The following PSG11 variants were observed in gnomAD, a reference collection of about 807,000 sequenced individuals.
PSG11 encodes pregnancy specific beta-1-glycoprotein 11.
A neutral mutation model predicts 36.0 loss-of-function variants in PSG11; 42 were observed. The ratio of observed to expected loss-of-function variants is 1.17; its 90% CI spans 0.91 to 1.51. PSG11 has a LOEUF of 1.51. PSG11 is among the 40% of genes most tolerant of loss of function. The pLI is 0.00. For synonymous variants in PSG11, 206 were observed against 153.5 expected (o/e 1.34, Z -2.53); for missense variants, 558 against 403.5 (o/e 1.38, Z -3.28).
chr19:43,022,931 G>C (rs983927054), intron 2 of PSG11, among the ~76,000 whole-genome samples: 15 of 150,778 alleles, frequency 9.9e-5, no homozygotes, highest in African/African-American at 3.7e-4. Flanking sequence ...GCCTAGGGGT[G>C]GGGGAAGAAG....
At position 43,026,385 on chromosome 19, in the gene PSG11, G is replaced by C. The variant is rs1064913; in HGVS notation, c.-13C>G. Reference sequence around the variant, plus strand: ...AGAGGGGCCCCATGATCTCTGCTGCGTGCATGTTCTCCTCTGTGGAGATGA... The same window carrying C: ...AGAGGGGCCCCATGATCTCTGCTGCCTGCATGTTCTCCTCTGTGGAGATGA... On this transcript the variant is annotated 5_prime_UTR_variant, in exon 1 of 6. Coordinates refer to ENST00000320078, the MANE Select transcript of PSG11 (RefSeq NM_002785.3). The C allele has an allele frequency of 9.8e-5, 157 of 1,606,306 alleles. 5 individuals carry two copies. Among genetic ancestry groups the C allele is most frequent in the South Asian group, 2.5e-4 (23 of 90,380 alleles).
chr19:43,011,605 A>C (rs949083506), intron 4 of PSG11, among the ~76,000 whole-genome samples: 8 of 151,290 alleles, frequency 5.3e-5, no homozygotes, highest in African/African-American at 2.0e-4. Context: ...ATGAAAATGG[A>C]CTCTGAGCAT....
chr19:43,014,928 G>T lies in PSG11; in HGVS notation c.964+188C>A. ...TCAGGCCAGACACAAGGTCAGTCAT[G>T]AGAAAACAGAAAAAAAAGGAGAAGA... is the stretch of plus-strand genomic sequence containing the variant. On this transcript the variant is annotated intron_variant, in intron 4 of 5. Coordinates refer to ENST00000320078, the MANE Select transcript of PSG11 (RefSeq NM_002785.3). 2.7e-6 allele frequency: 4 copies of T among 1,462,178 alleles called. 1 individual carries two copies. Among genetic ancestry groups the T allele is most frequent in the South Asian group, 1.4e-5 (1 of 70,374 alleles). 90.6% of individuals were successfully genotyped at this position (1,462,178 alleles called of 1,614,324 possible).
rs112236374 is a variant in PSG11 at position 43,024,504 on chromosome 19, G to A, written c.430+187C>T. Reference sequence around the variant, plus strand: ...GCGAGTGTCTGCAGGGTCTGGATGCGGGAAAGGAATTCTGATCTGTTGAAA... The same window carrying A: ...GCGAGTGTCTGCAGGGTCTGGATGCAGGAAAGGAATTCTGATCTGTTGAAA... On this transcript the variant is annotated intron_variant, in intron 2 of 5. Coordinates refer to ENST00000320078, the MANE Select transcript of PSG11 (RefSeq NM_002785.3). The A allele has an allele frequency of 8.5e-3, 9,619 of 1,127,194 alleles. 471 individuals are homozygous for A. The East Asian group carries it at 0.086, about 10-fold the overall frequency. The allele number at this position is 1,127,194 out of a possible 1,614,324, so 69.8% of individuals were successfully genotyped here.
intron 2 of PSG11, among the ~76,000 whole-genome samples, chr19:43,022,667 A>G (rs1387514744): frequency 1.3e-5 from 2 of 151,234 alleles, no homozygotes; most frequent in Non-Finnish European, 2.9e-5. Flanking sequence ...GAGTGGTTGG[A>G]GGGACTTCCT....
In PSG11 at chr19:43,010,013, G is replaced by A. The variant is rs1178481939; in HGVS notation, c.993C>T (p.Phe331=). Residue 331 remains phenylalanine (F), a synonymous_variant, in exon 5 of 6, where the codon TTC becomes TTT. Coordinates refer to ENST00000320078, the MANE Select transcript of PSG11 (RefSeq NM_002785.3). ...IAPPGLGTFA[F]NNPT ...ATCACGGCTGCTACGTTGGATTATT[G>A]AAAGCAAAAGTTCCTAATCCTGGAG... is the stretch of plus-strand genomic sequence containing the variant. 6.2e-7 allele frequency: 1 copy of A among 1,609,546 alleles called. No individual in the cohort carries two copies. Among genetic ancestry groups the A allele is most frequent in the Non-Finnish European group, 8.5e-7 (1 of 1,176,988 alleles).
chr19:43,026,061 C>A lies in PSG11; in HGVS notation c.64+248G>T, dbSNP rs747957023. On this transcript the variant is annotated intron_variant, in intron 1 of 5. Coordinates refer to ENST00000320078, the MANE Select transcript of PSG11 (RefSeq NM_002785.3). Reference sequence around the variant, plus strand: ...GGTTCACGTGATTCTCCTGCCTTGGCCTCCTGAGTAGCTAGGATTACAGGA... The same window carrying A: ...GGTTCACGTGATTCTCCTGCCTTGGACTCCTGAGTAGCTAGGATTACAGGA... 6.4e-4 allele frequency among the ~76,000 whole-genome samples: 96 copies of A among 148,912 alleles called. 2 individuals are homozygous for A. The highest frequency in any genetic ancestry group is 2.3e-3 in the Admixed American group (34 of 14,890).
In PSG11 at chr19:43,016,399, G is replaced by A. The variant is rs1027804703; in HGVS notation, c.710-1029C>T. Among the ~76,000 whole-genome samples the A allele has an allele frequency of 4.6e-5, 7 of 151,156 alleles. 1 individual carries two copies. The highest frequency in any genetic ancestry group is 1.5e-4 in the African/African-American group (6 of 40,894). ...GGTTCCTTACCTGGAATGTGCAACT[G>A]CTGGGCCCCTTCCAAATTCCATCCT... is the stretch of plus-strand genomic sequence containing the variant. On this transcript the variant is annotated intron_variant, in intron 3 of 5. Transcript: ENST00000320078.
intron 3 of PSG11, chr19:43,016,074 C>A (rs756083914): frequency 6.3e-7 from 1 of 1,585,388 alleles, no homozygotes; most frequent in South Asian, 1.2e-5. Context: ...GAAGATTGTC[C>A]TGTGTGGCAC....
Position 43,026,430 on chromosome 19 carries a change from C to A in PSG11, c.-58G>T. ...AGATGAGCCTAGGATCCAGAAGCTT[C>A]CAGAGCACGGCTGTCAGCTGTGCTG... On this transcript the variant is annotated 5_prime_UTR_variant, in exon 1 of 6. Coordinates refer to ENST00000320078, the MANE Select transcript of PSG11 (RefSeq NM_002785.3). The A allele has an allele frequency of 1.9e-6, 3 of 1,593,460 alleles. 1 individual carries two copies. The South Asian group carries it at 3.3e-5, about 18-fold the overall frequency.
intron 2 of PSG11, among the ~76,000 whole-genome samples, chr19:43,021,471 C>A (rs1265186740): frequency 6.6e-6 from 1 of 151,356 alleles, no homozygotes; most frequent in Non-Finnish European, 1.5e-5. Flanking sequence ...CCTGCCTCGA[C>A]CTCCCAAGTA....
chr19:43,011,585 C>A (rs532633260), intron 4 of PSG11, among the ~76,000 whole-genome samples: 41 of 151,286 alleles, frequency 2.7e-4, no homozygotes, highest in South Asian at 4.2e-4. Flanking sequence ...TAAAATTACT[C>A]AAATCAGAAA....
chr19:43,013,291 A>G (rs1954808234), intron 4 of PSG11, among the ~76,000 whole-genome samples: 1 of 151,504 alleles, frequency 6.6e-6, no homozygotes, highest in Non-Finnish European at 1.5e-5. Flanking sequence ...CCTTTTATAT[A>G]TCAAAGAACA....
chr19:43,008,308 T>C (rs1270815633), intron 5 of PSG11, among the ~76,000 whole-genome samples: 1 of 151,356 alleles, frequency 6.6e-6, no homozygotes, highest in South Asian at 2.1e-4. Context: ...AGTCTCACTC[T>C]GTCATCCAGA....
intron 2 of PSG11, among the ~76,000 whole-genome samples, chr19:43,021,536 A>G (rs1967102055): frequency 6.6e-6 from 1 of 151,132 alleles, no homozygotes; most frequent in Non-Finnish European, 1.5e-5. Context: ...TATTTTTAGC[A>G]CAGATGGGCT....
intron 3 of PSG11, chr19:43,018,535 TC>T: frequency 1.0e-6 from 1 of 969,618 alleles, no homozygotes; most frequent in Non-Finnish European, 1.5e-6. Flanking sequence ...CACCTGTTTC[TC>T]CCATCACAAT....
Position 43,026,311 on chromosome 19 carries a change from G to C in PSG11, c.62C>G (p.Thr21Arg). 6.2e-7 allele frequency: 1 copy of C among 1,610,720 alleles called. No individual in the cohort carries two copies. Among genetic ancestry groups the C allele is most frequent in the Non-Finnish European group, 8.5e-7 (1 of 1,178,492 alleles). ...EHIKWKGLLL[T>R]ALLLNFWNLP... ...CTCCCAGGAAGTTCTCTCCTCACCT[G>C]TGAGCAGGAGCCCCTTCCATTTGAT... is the stretch of plus-strand genomic sequence containing the variant. Residue 21 changes from threonine (T) to arginine (R), a missense_variant and splice_region_variant, in exon 1 of 6, where the codon ACA (threonine) becomes AGA (arginine). By Grantham distance (71) the Thr-to-Arg change is moderately conservative (BLOSUM62 -1). Transcript: ENST00000320078.
At chr19:43,015,051 C>T (rs1467939918) in intron 4 of PSG11, 65 bp downstream of exon 4, 8 of 1,609,598 alleles carry the variant, frequency 5.0e-6, no homozygotes, top group South Asian at 1.1e-5. Context: ...TTTCCTGACT[C>T]TTCTCTGAAA....
chr19:43,010,099 G>A lies in PSG11; in HGVS notation c.965-58C>T, dbSNP rs377387216. 2.6e-6 allele frequency: 4 copies of A among 1,567,402 alleles called. No individual in the cohort carries two copies. The East Asian group carries it at 9.0e-5, about 35-fold the overall frequency. On this transcript the variant is annotated intron_variant, in intron 4 of 5. Transcript: ENST00000320078. ...AGGTGATGTTATTTTACATGGGGGA[G>A]CGTCAGGAACAAGCATGTAACATGA...
Sources: allele counts gnomAD v4.1 joint callset (sites outside exome capture counted in the v4.1 genomes callset), GRCh38; gene constraint gnomAD v4.1.1; transcripts MANE v1.5; gene names NCBI Gene and HGNC (gene_info 2026-07-23, HGNC 2026-07-21).